NINL: variants seen among roughly 807,000 people sequenced by gnomAD.
The protein encoded by NINL is ninein-like protein.
A neutral mutation model predicts 160.3 loss-of-function variants in NINL; 153 were observed. That is an observed-to-expected ratio of 0.95 (90% CI 0.84 to 1.09). The LOEUF (loss-of-function observed/expected upper bound fraction) is 1.09. NINL is among the 50% of genes least tolerant of loss of function. The pLI, the probability that NINL is intolerant of heterozygous loss-of-function variation, is 0.00. For missense variants in NINL, 1,829 were observed against 1,764.0 expected (o/e 1.04, Z -0.66); for synonymous variants, 800 against 734.8 (o/e 1.09, Z -1.43).
chr20:25,585,081 G>A (rs2065213475), intron 1 of NINL, among the ~76,000 whole-genome samples: 1 of 152,138 alleles, frequency 6.6e-6, no homozygotes, highest in Non-Finnish European at 1.5e-5. Flanking sequence ...GGCGGGCACC[G>A]CGTAGCTCAT....
At chr20:25,541,606 A>G (rs2064663597) in intron 1 of NINL, among the ~76,000 whole-genome samples, 1 of 152,256 alleles carries the variant, frequency 6.6e-6, no homozygotes, top group East Asian at 1.9e-4. Flanking sequence ...ATATCCATAC[A>G]ATTAGTTATA....
intron 2 of NINL, among the ~76,000 whole-genome samples, chr20:25,520,130 A>T (rs1274595558): frequency 6.6e-6 from 1 of 151,704 alleles, no homozygotes; most frequent in Non-Finnish European, 1.5e-5. Flanking sequence ...GTAGTAGAGG[A>T]ACCAAAAAGA....
chr20:25,532,434 T>C (rs1026942082), intron 1 of NINL, among the ~76,000 whole-genome samples: 15 of 152,328 alleles, frequency 9.8e-5, no homozygotes, highest in African/African-American at 3.4e-4. Context: ...GCTCATGGCA[T>C]AGGCAGTAGG....
chr20:25,456,590 A>G (rs2090687497), intron 22 of NINL, among the ~76,000 whole-genome samples: 1 of 152,022 alleles, frequency 6.6e-6, no homozygotes, highest in African/African-American at 2.4e-5. Flanking sequence ...GTTACAGGCA[A>G]TATTTTACAT....
chr20:25,558,774 G>A (rs1304689967), intron 1 of NINL, among the ~76,000 whole-genome samples: 1 of 152,176 alleles, frequency 6.6e-6, no homozygotes, highest in Admixed American at 6.5e-5. Context: ...GAGCAAGTAG[G>A]CAGGCAGAGG....
Position 25,523,727 on chromosome 20 carries a change from C to G in NINL, c.180+2681G>C, listed in dbSNP as rs147050025. Among the ~76,000 whole-genome samples the G allele has an allele frequency of 1.4e-3, 206 of 152,250 alleles. 1 individual carries two copies. The highest frequency in any genetic ancestry group is 4.7e-3 in the African/African-American group (194 of 41,536). Reference sequence around the variant, plus strand: ...GCGCGATCTTGGCTCACCGCAACCTCCACCTCCCGGGTTCAAGTGATTCTC... The same window carrying G: ...GCGCGATCTTGGCTCACCGCAACCTGCACCTCCCGGGTTCAAGTGATTCTC... On this transcript the variant is annotated intron_variant, in intron 2 of 23. Coordinates refer to ENST00000278886, the MANE Select transcript of NINL (RefSeq NM_025176.6).
chr20:25,541,843 G>A (rs2064667981), intron 1 of NINL, among the ~76,000 whole-genome samples: 1 of 152,202 alleles, frequency 6.6e-6, no homozygotes, highest in Non-Finnish European at 1.5e-5. Context: ...TGTAATAGCT[G>A]TAATAAGACA....
At chr20:25,570,468 C>T (rs1245910742) in intron 1 of NINL, among the ~76,000 whole-genome samples, 1 of 152,090 alleles carries the variant, frequency 6.6e-6, no homozygotes, top group Non-Finnish European at 1.5e-5. Context: ...AGCCACCTCA[C>T]TCCCCACTCG....
chr20:25,492,457 AT>A (rs11482718), intron 10 of NINL, among the ~76,000 whole-genome samples: 42 of 147,700 alleles, frequency 2.8e-4, no homozygotes, highest in Admixed American at 3.4e-4. Context: ...ACATGGTGTC[AT>A]TTTTTTTTTT....
rs6115209 is a variant in NINL, at chr20:25,559,780, C to T, written c.-12+25675G>A. Among the ~76,000 whole-genome samples the T allele has an allele frequency of 4.8e-3, 729 of 150,828 alleles. 9 individuals are homozygous for T. Among genetic ancestry groups the T allele is most frequent in the African/African-American group, 0.017 (688 of 41,052 alleles). On this transcript the variant is annotated intron_variant, in intron 1 of 23. Transcript: ENST00000278886. ...CACACCCGACTATTTTTTTTTTTCT[C>T]GTTTTTTGTAAAGATGGGATCTCAC...
intron 1 of NINL, chr20:25,540,186 A>G: frequency 3.1e-6 from 1 of 325,198 alleles, no homozygotes; most frequent in Non-Finnish European, 5.3e-6. Flanking sequence ...TTCCAGATAA[A>G]AAGCAACAGT....
intron 1 of NINL, among the ~76,000 whole-genome samples, chr20:25,530,749 G>A (rs965095508): frequency 1.3e-5 from 2 of 152,068 alleles, no homozygotes; most frequent in African/African-American, 2.4e-5. Flanking sequence ...GGGAGTGAGC[G>A]AATAGGTGTG....
At chr20:25,492,036 CAG>C (rs906438910) in intron 10 of NINL, among the ~76,000 whole-genome samples, 3 of 152,156 alleles carry the variant, frequency 2.0e-5, no homozygotes. Flanking sequence ...GCAGGAAAAA[CAG>C]TGTTCAACGC....
At chr20:25,558,921 G>A (rs758873743) in intron 1 of NINL, among the ~76,000 whole-genome samples, 5 of 152,218 alleles carry the variant, frequency 3.3e-5, no homozygotes, top group Admixed American at 6.5e-5. Flanking sequence ...ATATCAAGCC[G>A]CAGAAGCGAG....
chr20:25,525,676 C>T (rs1350579245), intron 2 of NINL, among the ~76,000 whole-genome samples: 1 of 152,070 alleles, frequency 6.6e-6, no homozygotes, highest in Admixed American at 6.6e-5. Context: ...AAAGAAAATA[C>T]TGAGTCTTGT....
At chr20:25,543,255 A>T (rs1390495240) in intron 1 of NINL, among the ~76,000 whole-genome samples, 2 of 152,002 alleles carry the variant, frequency 1.3e-5, no homozygotes, top group African/African-American at 4.8e-5. Context: ...ATCAGCACTT[A>T]AAAATCAGTT....
At chr20:25,492,691 A>C (rs1214489761) in intron 10 of NINL, among the ~76,000 whole-genome samples, 1 of 152,034 alleles carries the variant, frequency 6.6e-6, no homozygotes, top group Non-Finnish European at 1.5e-5. Flanking sequence ...TGACCTCGTG[A>C]TCTGCCTCCC....
chr20:25,510,273 G>T (rs1360574198), intron 5 of NINL, among the ~76,000 whole-genome samples: 3 of 152,250 alleles, frequency 2.0e-5, no homozygotes, highest in African/African-American at 7.2e-5. Flanking sequence ...GGGAGAGGCT[G>T]TATCTAGCCC....
At chr20:25,568,054 G>A (rs973671851) in intron 1 of NINL, among the ~76,000 whole-genome samples, 1 of 151,464 alleles carries the variant, frequency 6.6e-6, no homozygotes, top group Non-Finnish European at 1.5e-5. Flanking sequence ...GAAGCAAGCA[G>A]AAGAATGAAA....
Sources: gnomAD v4.1 joint callset for allele counts (sites outside exome capture counted in the v4.1 genomes callset) on GRCh38, gnomAD v4.1.1 for gene constraint, MANE v1.5 for transcripts, NCBI Gene and HGNC (gene_info 2026-07-23, HGNC 2026-07-21) for gene names.